Variants in MTHFD1L observed in about 807,000 individuals in gnomAD.
The protein encoded by MTHFD1L is methylenetetrahydrofolate dehydrogenase (NADP+ dependent) 1 like, also known as monofunctional C1-tetrahydrofolate synthase, mitochondrial.
A neutral mutation model predicts 119.5 loss-of-function variants in MTHFD1L; 81 were observed. The observed-to-expected ratio is 0.68, with a 90% CI of 0.57 to 0.82. The LOEUF (loss-of-function observed/expected upper bound fraction) is 0.82, where lower values mean the gene tolerates loss of function less well. Among genes scored for constraint, MTHFD1L ranks in the 40% least tolerant of loss-of-function variants. MTHFD1L has a pLI of 0.00. For synonymous variants in MTHFD1L, 430 were observed against 475.2 expected, an observed-to-expected ratio of 0.90 and a Z score of 1.24; for missense variants, 1,125 against 1,253.4, an observed-to-expected ratio of 0.90 and a Z score of 1.55.
At chr6:151,049,077 C>T (rs1788566861) in intron 26 of MTHFD1L, among the ~76,000 whole-genome samples, 3 of 152,206 alleles carry the variant, frequency 2.0e-5, no homozygotes, top group East Asian at 1.9e-4. Flanking sequence ...CATTCACAGC[C>T]GGGCACGGTG....
rs531438522 is a variant in MTHFD1L at position 151,072,825 on chromosome 6, C to T, written c.2848-19642C>T. 3.3e-5 allele frequency among the ~76,000 whole-genome samples: 5 copies of T among 150,566 alleles called. No individual in the cohort carries two copies. In the East Asian group the frequency reaches 7.9e-4, roughly 24 times the overall value. ...TCTGTCTCAAAAAATAAAAAGAGTA[C>T]ACAATATTATCTCACCCATTGATAC... is the stretch of plus-strand genomic sequence containing the variant. On this transcript the variant is annotated intron_variant, in intron 26 of 27. Coordinates refer to ENST00000367321, the MANE Select transcript of MTHFD1L (RefSeq NM_015440.5).
At chr6:150,964,882 G>A in intron 18 of MTHFD1L, 87 bp from the exon 19 acceptor site, 1 of 1,349,020 alleles carries the variant, frequency 7.4e-7, no homozygotes, top group Non-Finnish European at 1.1e-6. Context: ...GCCCACCCAA[G>A]AAGCAGGCTG....
At chr6:150,911,598 G>A (rs956530259) in intron 8 of MTHFD1L, among the ~76,000 whole-genome samples, 11 of 152,126 alleles carry the variant, frequency 7.2e-5, no homozygotes, top group African/African-American at 2.4e-4. Context: ...TAGTAGAAGG[G>A]GAAGGGGAAT....
At chr6:151,066,680 G>A (rs1310793666) in intron 26 of MTHFD1L, among the ~76,000 whole-genome samples, 1 of 151,482 alleles carries the variant, frequency 6.6e-6, no homozygotes, top group East Asian at 2.0e-4. Flanking sequence ...CAGGAGAATG[G>A]CGTGAACCCG....
intron 7 of MTHFD1L, among the ~76,000 whole-genome samples, chr6:150,893,911 T>C (rs1416502445): frequency 6.6e-6 from 1 of 152,214 alleles, no homozygotes; most frequent in South Asian, 2.1e-4. Flanking sequence ...GCAATCATAA[T>C]ACTCCCTACT....
chr6:151,061,315 G>A (rs1227396733), intron 26 of MTHFD1L, among the ~76,000 whole-genome samples: 2 of 152,156 alleles, frequency 1.3e-5, no homozygotes, highest in Non-Finnish European at 2.9e-5. Context: ...AGTTCCTCCA[G>A]CATTGAACTA....
In MTHFD1L at chr6:150,936,677, G is replaced by A. The variant is rs564364334; in HGVS notation, c.1257-127G>A. The A allele has an allele frequency of 2.0e-5, 24 of 1,171,190 alleles. 1 individual carries two copies. In the East Asian group the frequency reaches 2.1e-4, roughly 10 times the overall value. 72.5% of individuals were successfully genotyped at this position (1,171,190 alleles called of 1,614,324 possible). A position where few individuals can be genotyped will look rare whatever the true frequency, so the allele number is the denominator to read the frequency against. ...TGATGTGAGTAGACCATAATAGCCCGAGAAAATTAAATTATGGAGTGCATT... is the reference window on the plus strand; with the variant it reads ...TGATGTGAGTAGACCATAATAGCCCAAGAAAATTAAATTATGGAGTGCATT... On this transcript the variant is annotated intron_variant, in intron 11 of 27. Transcript: ENST00000367321.
chr6:150,922,753 C>T (rs1274778362), intron 10 of MTHFD1L, among the ~76,000 whole-genome samples: 1 of 151,284 alleles, frequency 6.6e-6, no homozygotes, highest in African/African-American at 2.4e-5. Context: ...AAGCGATTCT[C>T]CTGCCTCAGC....
At chr6:150,969,014 A>G (rs1797648775) in intron 19 of MTHFD1L, among the ~76,000 whole-genome samples, 1 of 150,002 alleles carries the variant, frequency 6.7e-6, no homozygotes, top group African/African-American at 2.5e-5. Context: ...ATGCCTGGCT[A>G]ATTTTTGTAT....
rs1301060718 is a variant in MTHFD1L, at chr6:150,887,932, G to T, written c.731G>T (p.Gly244Val). The T allele has an allele frequency of 6.2e-7, 1 of 1,609,584 alleles. No homozygotes were observed. Among genetic ancestry groups the T allele is most frequent in the Admixed American group, 1.7e-5 (1 of 59,180 alleles). The change falls in exon 7 of 28, where the codon GGG (glycine) becomes GTG (valine). Residue 244 changes from glycine to valine, a missense_variant. Around this residue, in one of 3 missense-constraint regions of MTHFD1L, gnomAD observed 1,058 missense variants for 1,151.2 expected, o/e 0.92. Transcript: ENST00000367321. ...AALQCLFQRKGSMTMSIQWKT... is the reference protein window; with the variant it reads ...AALQCLFQRKVSMTMSIQWKT... ...CTACAATGCCTGTTCCAGAGAAAAG[G>T]GTCCATGACAATGAGCATCCAGTGG...
At chr6:150,954,064 T>C (rs1167053047) in intron 16 of MTHFD1L, among the ~76,000 whole-genome samples, 2 of 152,188 alleles carry the variant, frequency 1.3e-5, no homozygotes, top group African/African-American at 4.8e-5. Flanking sequence ...TTATAAAGAC[T>C]AACAACAGCC....
At chr6:151,083,544 G>A (rs1258169035) in intron 26 of MTHFD1L, among the ~76,000 whole-genome samples, 1 of 152,046 alleles carries the variant, frequency 6.6e-6, no homozygotes, top group Admixed American at 6.6e-5. Flanking sequence ...TTATCTTTCT[G>A]GTAATGAATA....
At chr6:150,955,454 G>C (rs1274642904) in intron 16 of MTHFD1L, among the ~76,000 whole-genome samples, 1 of 149,170 alleles carries the variant, frequency 6.7e-6, no homozygotes, top group East Asian at 2.0e-4. Context: ...GTCTCCTTTT[G>C]GTTCTTTCGG....
At chr6:150,998,996 AT>A (rs1780227815) in intron 20 of MTHFD1L, among the ~76,000 whole-genome samples, 4 of 110,506 alleles carry the variant, frequency 3.6e-5, no homozygotes, top group South Asian at 2.8e-4. Context: ...TCTTAAAAAA[AT>A]ATATATACAT....
intron 11 of MTHFD1L, among the ~76,000 whole-genome samples, chr6:150,932,277 C>G (rs1477106188): frequency 6.6e-6 from 1 of 151,580 alleles, no homozygotes; most frequent in African/African-American, 2.4e-5. Flanking sequence ...TGTCCTTTAC[C>G]TCAACAAGTG....
intron 7 of MTHFD1L, among the ~76,000 whole-genome samples, chr6:150,894,341 T>A (rs1783854878): frequency 6.6e-6 from 1 of 152,118 alleles, no homozygotes; most frequent in Non-Finnish European, 1.5e-5. Context: ...GCTTCCATTG[T>A]GTGGGTGGGG....
chr6:150,949,279 T>A (rs989891987), intron 16 of MTHFD1L, 146 bp downstream of exon 16: 7 of 659,116 alleles, frequency 1.1e-5, no homozygotes, highest in Non-Finnish European at 1.8e-5. Flanking sequence ...TTATTTCAGT[T>A]ACTATTATCG....
intron 26 of MTHFD1L, among the ~76,000 whole-genome samples, chr6:151,086,842 T>G (rs545535238): frequency 6.6e-6 from 1 of 152,362 alleles, no homozygotes; most frequent in Admixed American, 6.5e-5. Context: ...AAATACTTTC[T>G]GAGGGTCTAA....
At chr6:150,997,234 G>A (rs376265460) in intron 20 of MTHFD1L, among the ~76,000 whole-genome samples, 69 of 152,312 alleles carry the variant, frequency 4.5e-4, no homozygotes, top group African/African-American at 1.4e-3. Flanking sequence ...TGCCTGAGCC[G>A]ATGAGTGCAC....
Sources: allele counts gnomAD v4.1 joint callset (sites outside exome capture counted in the v4.1 genomes callset), GRCh38; gene constraint gnomAD v4.1.1; regional missense constraint gnomAD v4.1.1; transcripts MANE v1.5; gene names NCBI Gene and HGNC (gene_info 2026-07-23, HGNC 2026-07-21).